Variants in TPH2 observed in about 807,000 individuals in gnomAD.
TPH2 encodes tryptophan hydroxylase 2.
In TPH2, 27 loss-of-function variants were observed where a neutral mutation model predicts 59.1. The observed-to-expected ratio is 0.46, with a 90% CI of 0.34 to 0.63. TPH2 has a LOEUF of 0.63. Among genes scored for constraint, TPH2 ranks in the 30% least tolerant of loss-of-function variants. The pLI is 0.01. For synonymous variants in TPH2, 220 were observed against 210.5 expected (o/e 1.05, Z -0.39); for missense variants, 523 against 588.3 (o/e 0.89, Z 1.15).
chr12:71,977,693 G>A (rs1872159446), intron 6 of TPH2, among the ~76,000 whole-genome samples: 1 of 151,990 alleles, frequency 6.6e-6, no homozygotes, highest in South Asian at 2.1e-4. Flanking sequence ...TGTTATTCTG[G>A]GCACTGCTTT....
chr12:72,020,531 C>G (rs982744429), intron 8 of TPH2, among the ~76,000 whole-genome samples: 6 of 151,998 alleles, frequency 3.9e-5, no homozygotes, highest in African/African-American at 7.2e-5. Flanking sequence ...TCTTGTTGCC[C>G]AGGCTGGAGT....
chr12:72,019,571 A>G (rs1291188281), intron 8 of TPH2, among the ~76,000 whole-genome samples: 1 of 152,198 alleles, frequency 6.6e-6, no homozygotes, highest in Non-Finnish European at 1.5e-5. Flanking sequence ...TTTTTCTAAA[A>G]TAGTCACATT....
chr12:71,973,156 G>A (rs528782739), intron 6 of TPH2, among the ~76,000 whole-genome samples: 2 of 152,296 alleles, frequency 1.3e-5, no homozygotes, highest in South Asian at 2.1e-4. Flanking sequence ...TGTCAGAGAC[G>A]TTTGGACCAG....
At chr12:71,959,801 G>A (rs924686273) in intron 5 of TPH2, among the ~76,000 whole-genome samples, 1 of 152,110 alleles carries the variant, frequency 6.6e-6, no homozygotes. Flanking sequence ...ACTTAATTGG[G>A]GGGGGCGTTG....
chr12:72,012,553 T>C (rs1255563188), intron 8 of TPH2, among the ~76,000 whole-genome samples: 2 of 152,186 alleles, frequency 1.3e-5, no homozygotes, highest in African/African-American at 4.8e-5. Context: ...ATGGAGGGCC[T>C]TTTCTGCCAC....
intron 8 of TPH2, among the ~76,000 whole-genome samples, chr12:71,996,753 T>C (rs1872703555): frequency 6.6e-6 from 1 of 152,204 alleles, no homozygotes; most frequent in Non-Finnish European, 1.5e-5. Context: ...TGGATGTAAA[T>C]GGAGGTGGAT....
At position 72,018,508 on chromosome 12, in the gene TPH2, C is replaced by T. The variant is rs145534484; in HGVS notation, c.1069-3891C>T. Among the ~76,000 whole-genome samples, 3 of 152,276 alleles carry T rather than the reference C, an allele frequency of 2.0e-5. No homozygotes were observed. The East Asian group carries it at 5.8e-4, about 29-fold the overall frequency. On this transcript the variant is annotated intron_variant, in intron 8 of 10. Transcript: ENST00000333850. ...TCTCTTAGCGTGTTTTGGTTCAGAT[C>T]ATAAATGTGACCATGAATTATGTAT... is the stretch of plus-strand genomic sequence containing the variant.
intron 5 of TPH2, among the ~76,000 whole-genome samples, chr12:71,969,168 A>C (rs568709627): frequency 6.6e-6 from 1 of 152,162 alleles, no homozygotes; most frequent in Non-Finnish European, 1.5e-5. Context: ...CTGTAGTCCC[A>C]GCTACCCCGG....
chr12:72,008,859 TG>T (rs142969753), intron 8 of TPH2, among the ~76,000 whole-genome samples: 4 of 152,242 alleles, frequency 2.6e-5, no homozygotes, highest in African/African-American at 7.2e-5. Flanking sequence ...TGCTACAAAG[TG>T]GATTTCAGGG....
At chr12:71,960,583 G>T (rs774895363) in intron 5 of TPH2, among the ~76,000 whole-genome samples, 2 of 152,310 alleles carry the variant, frequency 1.3e-5, no homozygotes, top group South Asian at 2.1e-4. Flanking sequence ...TTTGGAAAAG[G>T]TTTCTCCTTT....
At chr12:71,953,838 CAAG>C (rs1009287694) in intron 5 of TPH2, among the ~76,000 whole-genome samples, 28 of 151,904 alleles carry the variant, frequency 1.8e-4, no homozygotes, top group African/African-American at 5.6e-4. Context: ...ACTTTCTGGA[CAAG>C]AAGAAGAAGT....
Position 72,022,433 on chromosome 12 carries a change from A to G in TPH2, c.1103A>G (p.Lys368Arg), listed in dbSNP as rs776738248. ...TTCACAATCGAGTTTGGCCTTTGCA[A>G]GCAAGAAGGGCAACTGCGGGCATAT... ...YFFTIEFGLC[K>R]QEGQLRAYGA... Residue 368 changes from lysine (K) to arginine (R), a missense_variant, in exon 9 of 11, where the codon AAG becomes AGG. Coordinates refer to ENST00000333850, the MANE Select transcript of TPH2 (RefSeq NM_173353.4). 6.2e-7 allele frequency: 1 copy of G among 1,614,074 alleles called. No homozygotes were observed. Among genetic ancestry groups the G allele is most frequent in the Non-Finnish European group, 8.5e-7 (1 of 1,179,946 alleles).
At chr12:71,968,028 A>G (rs73342882) in intron 5 of TPH2, among the ~76,000 whole-genome samples, 7,759 of 152,108 alleles carry the variant, frequency 0.051, 340 homozygotes, top group South Asian at 0.13. Flanking sequence ...TATTTCTTCT[A>G]GAGTTGGGGG....
At chr12:72,015,286 A>G (rs1873210766) in intron 8 of TPH2, among the ~76,000 whole-genome samples, 1 of 146,696 alleles carries the variant, frequency 6.8e-6, no homozygotes, top group African/African-American at 2.5e-5. Context: ...TGAGCCACAG[A>G]GCCCTTTTAT....
rs531994522 is a variant in TPH2 at position 71,998,511 on chromosome 12, C to A, written c.1068+3946C>A. Among the ~76,000 whole-genome samples, 6 of 151,442 alleles carry A rather than the reference C, an allele frequency of 4.0e-5. No homozygotes were observed. The South Asian group carries it at 1.3e-3, about 32-fold the overall frequency. ...CCAGAAGATAGTCTTGAAAAAAAAC[C>A]CCACAGATTCCAACCAGCCAATTTC... is the stretch of plus-strand genomic sequence containing the variant. On this transcript the variant is annotated intron_variant, in intron 8 of 10. Transcript: ENST00000333850.
In TPH2 at chr12:71,979,950, G is replaced by A. The variant is rs538828512; in HGVS notation, c.941+863G>A. Among the ~76,000 whole-genome samples the A allele has an allele frequency of 2.4e-3, 259 of 107,158 alleles. 1 individual carries two copies. The highest frequency in any genetic ancestry group is 7.8e-3 in the African/African-American group (215 of 27,574). The allele number at this position is 107,158 out of a possible 152,430, so 70.3% of individuals were successfully genotyped here. A position where few individuals can be genotyped will look rare whatever the true frequency, so the allele number is the denominator to read the frequency against. ...AGGTGAATGGTGAAGACAATGGTTAGCATACAGACAGACAGACAGACAGAC... is the reference window on the plus strand; with the variant it reads ...AGGTGAATGGTGAAGACAATGGTTAACATACAGACAGACAGACAGACAGAC... On this transcript the variant is annotated intron_variant, in intron 7 of 10. Coordinates refer to ENST00000333850, the MANE Select transcript of TPH2 (RefSeq NM_173353.4).
At chr12:71,982,515 T>A (rs535493621) in intron 7 of TPH2, among the ~76,000 whole-genome samples, 2 of 152,318 alleles carry the variant, frequency 1.3e-5, no homozygotes, top group South Asian at 4.1e-4. Flanking sequence ...ATCTTTTTAA[T>A]CCTTGTATAT....
At chr12:71,978,925 A>G (rs766541192) in intron 6 of TPH2, 27 bp from the exon 7 acceptor site, 2 of 1,614,118 alleles carry the variant, frequency 1.2e-6, no homozygotes, top group Non-Finnish European at 1.7e-6. Context: ...GTTAATATTT[A>G]GTTGGCTTTT....
intron 4 of TPH2, among the ~76,000 whole-genome samples, chr12:71,946,028 G>A (rs376245332): frequency 2.6e-5 from 4 of 152,132 alleles, no homozygotes; most frequent in Admixed American, 2.0e-4. Flanking sequence ...GAATTAGCAC[G>A]GGAACCTGAC....
Sources: gnomAD v4.1 joint callset for allele counts (sites outside exome capture counted in the v4.1 genomes callset) on GRCh38, gnomAD v4.1.1 for gene constraint, MANE v1.5 for transcripts, NCBI Gene and HGNC (gene_info 2026-07-23, HGNC 2026-07-21) for gene names.